The following NTMT1 variants were observed in gnomAD, a reference collection of about 807,000 sequenced individuals.
The protein encoded by NTMT1 is N-terminal Xaa-Pro-Lys N-methyltransferase 1.
In NTMT1, 8 loss-of-function variants were observed where a neutral mutation model predicts 17.5. That is an observed-to-expected ratio of 0.46 (90% CI 0.27 to 0.82). The LOEUF (loss-of-function observed/expected upper bound fraction) is 0.82, where lower values mean the gene tolerates loss of function less well. NTMT1 is among the 40% of genes least tolerant of loss of function. The probability of loss-of-function intolerance (pLI) is 0.15; values close to 1 mark genes in which losing one functional copy is unlikely to be tolerated. For synonymous variants in NTMT1, 128 were observed against 126.8 expected (o/e 1.01, Z -0.06); for missense variants, 221 against 303.5 (o/e 0.73, Z 2.02).
intron 1 of NTMT1, among the ~76,000 whole-genome samples, chr9:129,629,383 G>T (rs942747824): frequency 4.3e-5 from 3 of 69,830 alleles, no homozygotes; most frequent in Admixed American, 3.3e-4. Flanking sequence ...GTGGGAAGAA[G>T]AATTCATTCT....
At position 129,620,569 on chromosome 9, in the gene NTMT1, G is replaced by A. The variant is rs769938581; in HGVS notation, c.-55+11391G>A. ...GGGCCCCTGGGCGAAGTCGACGCCA[G>A]AACATGCTTGGCCCCGCACTCAGCT... On this transcript the variant is annotated intron_variant, in intron 1 of 3. Coordinates refer to the NTMT1 transcript ENST00000372486. The surrounding 1 kb of genome is among the most constrained non-coding windows in gnomAD (Gnocchi z 5.8). The A allele has an allele frequency of 1.5e-6, 2 of 1,367,690 alleles. No individual in the cohort carries two copies. Among genetic ancestry groups the A allele is most frequent in the Non-Finnish European group, 1.9e-6 (2 of 1,058,742 alleles). The allele number at this position is 1,367,690 out of a possible 1,614,324, so 84.7% of individuals were successfully genotyped here. A position where few individuals can be genotyped will look rare whatever the true frequency, so the allele number is the denominator to read the frequency against.
At chr9:129,612,820 ACT>A (rs1358784136) in intron 1 of NTMT1, among the ~76,000 whole-genome samples, 1 of 151,966 alleles carries the variant, frequency 6.6e-6, no homozygotes, top group Non-Finnish European at 1.5e-5. Flanking sequence ...ACAGAGCAAC[ACT>A]CTGTCTCAAA....
chr9:129,620,501 CG>C lies in NTMT1; in HGVS notation c.-55+11325del. The C allele has an allele frequency of 1.4e-6, 2 of 1,425,986 alleles. No individual in the cohort carries two copies. Among genetic ancestry groups the C allele is most frequent in the South Asian group, 1.4e-5 (1 of 69,056 alleles). The allele number at this position is 1,425,986 out of a possible 1,614,324, so 88.3% of individuals were successfully genotyped here. ...GGGCAGCCGCGGGTCGCTGCTGCGT[CG>C]GAAGTCTCCGTCGCCAGGGAGCCCC... On this transcript the variant is annotated intron_variant, in intron 1 of 3. Coordinates refer to the NTMT1 transcript ENST00000372486. This position sits in a 1 kb window ranked among gnomAD's most constrained non-coding sequence, Gnocchi z 5.8.
chr9:129,625,473 C>G (rs535993844), upstream of NTMT1, among the ~76,000 whole-genome samples: 47 of 152,274 alleles, frequency 3.1e-4, no homozygotes, highest in South Asian at 1.7e-3. Context: ...TCCAAACGAA[C>G]TGTTGTACGT....
intron 1 of NTMT1, among the ~76,000 whole-genome samples, chr9:129,611,739 CGTT>C (rs1034447411): frequency 5.9e-5 from 9 of 151,996 alleles, no homozygotes; most frequent in Admixed American, 3.3e-4. Flanking sequence ...TTTTGGGTTT[CGTT>C]GTTGTTGTTG....
At chr9:129,612,428 C>T (rs763252600) in intron 1 of NTMT1, 14 of 1,612,496 alleles carry the variant, frequency 8.7e-6, no homozygotes, top group Non-Finnish European at 1.2e-5. Flanking sequence ...GGACCGACTG[C>T]AGCACCCGGT....
intron 1 of NTMT1, among the ~76,000 whole-genome samples, chr9:129,626,817 C>A (rs1830922577): frequency 6.6e-6 from 1 of 152,228 alleles, no homozygotes; most frequent in Non-Finnish European, 1.5e-5. Flanking sequence ...CGGCCAAGGT[C>A]AGCCTGTCTG....
chr9:129,633,032 A>C, intron 2 of NTMT1, 167 bp downstream of exon 2: 1 of 697,300 alleles, frequency 1.4e-6, no homozygotes, highest in East Asian at 2.8e-5. Context: ...ACAGTGGGGT[A>C]ACTTCTAGAT....
In NTMT1 at chr9:129,613,079, A is replaced by G. The variant is rs2118851277; in HGVS notation, c.-55+3901A>G. On this transcript the variant is annotated intron_variant, in intron 1 of 3. Transcript: ENST00000372486. This position sits in a 1 kb window ranked among gnomAD's most constrained non-coding sequence, Gnocchi z 6.2. ...TGCCAGCAGGGGCTCACCAGCTTCT[A>G]GGTCCAGGAGCAAGACCATTTGCCC... 4 of 1,612,980 alleles carry G rather than the reference A, an allele frequency of 2.5e-6. No individual in the cohort carries two copies. The highest frequency in any genetic ancestry group is 3.4e-6 in the Non-Finnish European group (4 of 1,179,902).
chr9:129,621,250 T>C (rs933179746), upstream of NTMT1, among the ~76,000 whole-genome samples: 1 of 152,222 alleles, frequency 6.6e-6, no homozygotes, highest in African/African-American at 2.4e-5. Context: ...CAGAGACCCC[T>C]GGGTGGGGAG....
chr9:129,634,863 G>T, intron 3 of NTMT1: 1 of 308,190 alleles, frequency 3.2e-6, no homozygotes, highest in South Asian at 3.7e-5. Flanking sequence ...GTCTCTCTGG[G>T]AGCTCCTGCA....
chr9:129,625,158 C>G (rs1393308925), upstream of NTMT1, among the ~76,000 whole-genome samples: 1 of 152,134 alleles, frequency 6.6e-6, no homozygotes, highest in African/African-American at 2.4e-5. Flanking sequence ...AGGCTCTACC[C>G]ACCTGCAAGC....
chr9:129,618,169 C>A (rs776018461), intron 1 of NTMT1, among the ~76,000 whole-genome samples: 1 of 152,174 alleles, frequency 6.6e-6, no homozygotes, highest in Non-Finnish European at 1.5e-5. Flanking sequence ...AACTCATGGG[C>A]AGTGCCATTC....
chr9:129,630,483 C>G (rs544408105), intron 1 of NTMT1, among the ~76,000 whole-genome samples: 1 of 152,300 alleles, frequency 6.6e-6, no homozygotes, highest in Admixed American at 6.5e-5. Context: ...TTTCCCTTCT[C>G]TTTCCTCATA....
chr9:129,619,527 C>T, intron 1 of NTMT1: 1 of 1,612,906 alleles, frequency 6.2e-7, no homozygotes, highest in South Asian at 1.1e-5. Flanking sequence ...CACTGGTTGG[C>T]CTTTCTGACA....
In NTMT1 at chr9:129,634,912, A is replaced by T. The variant is rs1831435801; in HGVS notation, c.416-296A>T. On this transcript the variant is annotated intron_variant, in intron 3 of 3. Coordinates refer to ENST00000372483, the MANE Select transcript of NTMT1 (RefSeq NM_014064.4). ...AGCCCAGGTTCACTCCTCCGATCCA[A>T]GCCTGGCAGGGGTGGGGCATCATGG... 9.8e-6 allele frequency: 4 copies of T among 406,416 alleles called. No homozygotes were observed. The South Asian group carries it at 1.2e-4, about 12-fold the overall frequency. 25.2% of individuals were successfully genotyped at this position (406,416 alleles called of 1,614,324 possible).
In NTMT1 at chr9:129,635,504, G is replaced by GT; in HGVS notation, c.*41dup. 1 of 1,580,784 alleles carries GT rather than the reference G, an allele frequency of 6.3e-7. No individual in the cohort carries two copies. Among genetic ancestry groups the GT allele is most frequent in the Non-Finnish European group, 8.6e-7 (1 of 1,161,596 alleles). ...GAGAAACTGAGGAACCACAGTCCTG[G>GT]TGGGGGGAGCTGGCAGCTGGGCAAG... On this transcript the variant is annotated 3_prime_UTR_variant, in exon 4 of 4. Coordinates refer to ENST00000372483, the MANE Select transcript of NTMT1 (RefSeq NM_014064.4).
intron 1 of NTMT1, chr9:129,628,606 G>C (rs959551435): frequency 6.6e-6 from 1 of 152,234 alleles, no homozygotes; most frequent in African/African-American, 2.4e-5. Flanking sequence ...TTGGCAACCA[G>C]TTAGTCAATG....
intron 1 of NTMT1, among the ~76,000 whole-genome samples, chr9:129,610,506 C>T (rs1315217704): frequency 6.6e-6 from 1 of 151,922 alleles, no homozygotes; most frequent in African/African-American, 2.4e-5. Flanking sequence ...GCGCGTTTCC[C>T]CCCACCCGCC....
Sources: allele counts gnomAD v4.1 joint callset (sites outside exome capture counted in the v4.1 genomes callset), GRCh38; gene constraint gnomAD v4.1.1; non-coding constraint Gnocchi (gnomAD v3.1); transcripts MANE v1.5; gene names NCBI Gene and HGNC (gene_info 2026-07-23, HGNC 2026-07-21).